The following CNTNAP4 variants were observed in gnomAD, a reference collection of about 807,000 sequenced individuals.
The protein encoded by CNTNAP4 is contactin associated protein family member 4.
CNTNAP4 carries 98 observed loss-of-function variants against 148.4 expected under a neutral mutation model. That is an observed-to-expected ratio of 0.66 (90% confidence interval 0.56 to 0.78). The LOEUF (loss-of-function observed/expected upper bound fraction) is 0.78, where lower values mean the gene tolerates loss of function less well. Among genes scored for constraint, CNTNAP4 ranks in the 30% least tolerant of loss-of-function variants. The pLI, the probability that CNTNAP4 is intolerant of heterozygous loss-of-function variation, is 0.00. For synonymous variants in CNTNAP4, 730 were observed against 565.1 expected (o/e 1.29, Z -4.14); for missense variants, 1,935 against 1,565.6 (o/e 1.24, Z -3.98).
chr16:76,511,074 G>A (rs1231874180), intron 15 of CNTNAP4, among the ~76,000 whole-genome samples: 2 of 152,158 alleles, frequency 1.3e-5, no homozygotes, highest in African/African-American at 2.4e-5. Context: ...CATTTTATAA[G>A]TTGTTAAAAT....
chr16:76,328,928 T>C (rs1031700054), intron 2 of CNTNAP4, among the ~76,000 whole-genome samples: 1 of 152,206 alleles, frequency 6.6e-6, no homozygotes, highest in Non-Finnish European at 1.5e-5. Flanking sequence ...TGAGCCACTG[T>C]GCCTGGCACC....
intron 15 of CNTNAP4, 137 bp downstream of exon 15, chr16:76,498,831 C>G: frequency 2.4e-6 from 2 of 837,034 alleles, no homozygotes; most frequent in Non-Finnish European, 3.4e-6. Flanking sequence ...TTTGTTTCCA[C>G]ATACATGAGG....
intron 4 of CNTNAP4, among the ~76,000 whole-genome samples, chr16:76,436,842 G>A (rs1279241906): frequency 6.6e-6 from 1 of 151,948 alleles, no homozygotes; most frequent in East Asian, 1.9e-4. Flanking sequence ...ATCATATTAA[G>A]CAGCCAACTC....
At chr16:76,502,228 T>C (rs2082678446) in intron 15 of CNTNAP4, among the ~76,000 whole-genome samples, 1 of 152,218 alleles carries the variant, frequency 6.6e-6, no homozygotes, top group Non-Finnish European at 1.5e-5. Flanking sequence ...ATTTTCTGCA[T>C]GAAGGACTAA....
chr16:76,343,334 A>T (rs1351638620), intron 2 of CNTNAP4, among the ~76,000 whole-genome samples: 2 of 152,162 alleles, frequency 1.3e-5, no homozygotes, highest in Non-Finnish European at 2.9e-5. Context: ...ACTTTCCATT[A>T]TACATTACAA....
intron 3 of CNTNAP4, among the ~76,000 whole-genome samples, chr16:76,412,385 A>C (rs1002541143): frequency 1.3e-5 from 2 of 151,382 alleles, no homozygotes; most frequent in East Asian, 1.9e-4. Context: ...GGAATTGCCA[A>C]CTCATAAAAA....
rs1270472026 is a variant in CNTNAP4 at position 76,489,723 on chromosome 16, C to G, written c.1920C>G (p.Asp640Glu). 9 of 1,605,124 alleles carry G rather than the reference C, an allele frequency of 5.6e-6. No individual in the cohort carries two copies. Among genetic ancestry groups the G allele is most frequent in the Non-Finnish European group, 7.7e-6 (9 of 1,175,248 alleles). Residue 640 changes from aspartate (D) to glutamate (E), a missense_variant, in exon 13 of 24, where the codon GAC (aspartate) becomes GAG (glutamate). Coordinates refer to ENST00000611870, the MANE Select transcript of CNTNAP4 (RefSeq NM_033401.5). Reference sequence around the variant, plus strand: ...CCATCATACAGCACAACGGCTCTGACTTAACAAGAGTCAGAAATACTAATC... The same window carrying G: ...CCATCATACAGCACAACGGCTCTGAGTTAACAAGAGTCAGAAATACTAATC... ...AWTIIQHNGS[D>E]LTRVRNTNPE... is the part of the protein sequence containing the mutation.
At chr16:76,417,572 A>T (rs1269960029) in intron 3 of CNTNAP4, among the ~76,000 whole-genome samples, 1 of 151,638 alleles carries the variant, frequency 6.6e-6, no homozygotes, top group Middle Eastern at 3.2e-3. Flanking sequence ...TAATTTATCC[A>T]TGTGCTATAA....
intron 2 of CNTNAP4, among the ~76,000 whole-genome samples, chr16:76,351,782 G>A (rs2011806197): frequency 6.6e-6 from 1 of 152,230 alleles, no homozygotes; most frequent in African/African-American, 2.4e-5. Flanking sequence ...AGAGGGAGCA[G>A]TCAGTGAGGG....
At chr16:76,513,184 A>T (rs1838553546) in intron 15 of CNTNAP4, among the ~76,000 whole-genome samples, 1 of 152,160 alleles carries the variant, frequency 6.6e-6, no homozygotes, top group African/African-American at 2.4e-5. Flanking sequence ...GAAAATGGAG[A>T]ACACAGGTGA....
chr16:76,312,405 A>G (rs1344769948), intron 1 of CNTNAP4, among the ~76,000 whole-genome samples: 1 of 152,202 alleles, frequency 6.6e-6, no homozygotes, highest in African/African-American at 2.4e-5. Flanking sequence ...TTATTGGTGC[A>G]GTCAGAGAAA....
intron 17 of CNTNAP4, among the ~76,000 whole-genome samples, chr16:76,530,972 C>A (rs2083959257): frequency 6.6e-6 from 1 of 152,128 alleles, no homozygotes; most frequent in Non-Finnish European, 1.5e-5. Flanking sequence ...GCCTGCATGC[C>A]CTGTCACTAT....
At chr16:76,450,674 A>G (rs1399920477) in intron 7 of CNTNAP4, among the ~76,000 whole-genome samples, 2 of 152,230 alleles carry the variant, frequency 1.3e-5, no homozygotes, top group Non-Finnish European at 2.9e-5. Flanking sequence ...GCAAGCAAAT[A>G]CAGGTTGTGT....
At chr16:76,368,879 C>G (rs1274814907) in intron 3 of CNTNAP4, among the ~76,000 whole-genome samples, 1 of 151,950 alleles carries the variant, frequency 6.6e-6, no homozygotes, top group South Asian at 2.1e-4. Context: ...TACACTCGCC[C>G]CATTTGAAGA....
intron 1 of CNTNAP4, among the ~76,000 whole-genome samples, chr16:76,308,777 G>T (rs1203701231): frequency 6.6e-6 from 1 of 152,168 alleles, no homozygotes; most frequent in African/African-American, 2.4e-5. Context: ...ACACTACAGA[G>T]ATGCGACAAC....
chr16:76,545,803 C>T (rs544991603), intron 21 of CNTNAP4, among the ~76,000 whole-genome samples: 2 of 152,156 alleles, frequency 1.3e-5, no homozygotes, highest in Non-Finnish European at 2.9e-5. Context: ...TTTGGGAGGC[C>T]GAGGTGGATG....
At position 76,498,703 on chromosome 16, in the gene CNTNAP4, T is replaced by C; in HGVS notation, c.2365+9T>C. On this transcript the variant is annotated intron_variant, in intron 15 of 23. Transcript: ENST00000611870. Reference sequence around the variant, plus strand: ...GCTCTGCCAGGGAGACAGTAAGTGGTTACAATGTGTTGAAACCGTATTTGA... The same window carrying C: ...GCTCTGCCAGGGAGACAGTAAGTGGCTACAATGTGTTGAAACCGTATTTGA... 1 of 1,596,512 alleles carries C rather than the reference T, an allele frequency of 6.3e-7. No individual in the cohort carries two copies. The highest frequency in any genetic ancestry group is 8.5e-7 in the Non-Finnish European group (1 of 1,173,628).
At chr16:76,374,655 ACTTT>A (rs1235889255) in intron 3 of CNTNAP4, among the ~76,000 whole-genome samples, 1 of 151,658 alleles carries the variant, frequency 6.6e-6, no homozygotes, top group African/African-American at 2.4e-5. Flanking sequence ...CATTACTCTC[ACTTT>A]CTTAGTTTGC....
chr16:76,545,771 C>A (rs894020750), intron 21 of CNTNAP4, among the ~76,000 whole-genome samples: 1 of 152,202 alleles, frequency 6.6e-6, no homozygotes, highest in Non-Finnish European at 1.5e-5. Context: ...GGCACAGTGG[C>A]TCACGCCTGT....
Sources: allele counts gnomAD v4.1 joint callset (sites outside exome capture counted in the v4.1 genomes callset), GRCh38; gene constraint gnomAD v4.1.1; transcripts MANE v1.5; gene names NCBI Gene and HGNC (gene_info 2026-07-23, HGNC 2026-07-21).